GPR137B: variants seen among roughly 807,000 people sequenced by gnomAD.
GPR137B encodes the protein G protein-coupled receptor 137B.
In GPR137B, 42 loss-of-function variants were observed where a neutral mutation model predicts 42.5. The ratio of observed to expected loss-of-function variants is 0.99; its 90% CI spans 0.77 to 1.28. The LOEUF is 1.28. Among genes scored for constraint, GPR137B ranks in the 50% most tolerant of loss-of-function variants. The probability of loss-of-function intolerance (pLI) is 0.00; values close to 1 mark genes in which losing one functional copy is unlikely to be tolerated. For missense variants in GPR137B, 487 were observed against 493.9 expected (o/e 0.99, Z 0.13); for synonymous variants, 218 against 209.7 (o/e 1.04, Z -0.34).
At chr1:236,143,994 G>A (rs61833528) in intron 1 of GPR137B, among the ~76,000 whole-genome samples, 5,169 of 152,158 alleles carry the variant, frequency 0.034, 143 homozygotes, top group Non-Finnish European at 0.054. Flanking sequence ...CGAAGGGGAA[G>A]GCGTCAACGG....
At chr1:236,207,197 A>G in intron 6 of GPR137B, 1 of 985,252 alleles carries the variant, frequency 1.0e-6, no homozygotes, top group Non-Finnish European at 1.2e-6. Flanking sequence ...GAGCAGAGAA[A>G]TCCTGGTCAG....
chr1:236,142,980 T>G lies in GPR137B; in HGVS notation c.358T>G (p.Phe120Val). 1 of 1,614,002 alleles carries G rather than the reference T, an allele frequency of 6.2e-7. No individual in the cohort carries two copies. Among genetic ancestry groups the G allele is most frequent in the Non-Finnish European group, 8.5e-7 (1 of 1,179,916 alleles). ...SPFVFWLLYC[F>V]PVCLQFFTLT... The stretch of plus-strand genomic sequence containing the variant: ...CTTCGTCTTCTGGCTGCTCTACTGC[T>G]TCCCTGTGTGCCTGCAGTTTTTCAC... The change falls in exon 1 of 7, where the codon TTC becomes GTC. Residue 120 changes from phenylalanine to valine, a missense_variant. Transcript: ENST00000366592.
In GPR137B at chr1:236,152,249, C is replaced by T. The variant is rs566942337; in HGVS notation, c.414+9213C>T. ...GGACGAGGCAGGAGGTTCGCTTGAG[C>T]CCAGGAGTTCAAGACTATCCTGGGC... On this transcript the variant is annotated intron_variant, in intron 1 of 6. Coordinates refer to ENST00000366592, the MANE Select transcript of GPR137B (RefSeq NM_003272.4). 2.4e-4 allele frequency among the ~76,000 whole-genome samples: 37 copies of T among 151,408 alleles called. No homozygotes were observed. The South Asian group carries it at 7.5e-3, about 31-fold the overall frequency.
At chr1:236,149,293 C>T (rs570302828) in intron 1 of GPR137B, among the ~76,000 whole-genome samples, 1 of 152,276 alleles carries the variant, frequency 6.6e-6, no homozygotes, top group East Asian at 1.9e-4. Context: ...ACTGGGGGTC[C>T]AGCAGCCCAG....
chr1:236,181,499 A>G (rs958581703), intron 4 of GPR137B, among the ~76,000 whole-genome samples: 1 of 152,268 alleles, frequency 6.6e-6, no homozygotes, highest in African/African-American at 2.4e-5. Flanking sequence ...TTATACATTT[A>G]TTAGATTGAT....
At chr1:236,178,916 G>A (rs1037811478) in intron 3 of GPR137B, among the ~76,000 whole-genome samples, 8 of 146,778 alleles carry the variant, frequency 5.5e-5, no homozygotes, top group Non-Finnish European at 1.0e-4. Flanking sequence ...TCCTGCCTCA[G>A]CCTCCTGAGT....
rs956381911 is a variant in GPR137B at position 236,156,227 on chromosome 1, C to G, written c.415-12479C>G. Among the ~76,000 whole-genome samples the G allele has an allele frequency of 6.6e-6, 1 of 152,194 alleles. No homozygotes were observed. The highest frequency in any genetic ancestry group is 2.4e-5 in the African/African-American group (1 of 41,452). On this transcript the variant is annotated intron_variant, in intron 1 of 6. Coordinates refer to ENST00000366592, the MANE Select transcript of GPR137B (RefSeq NM_003272.4). The surrounding 1 kb of genome is among the most constrained non-coding windows in gnomAD (Gnocchi z 4.8). ...AGCACGAGGCCAGGAGCAGGCAGGA[C>G]CAGCTTCTTGGGCCACATGCTTGCC...
At chr1:236,161,490 C>T (rs1358554170) in intron 1 of GPR137B, among the ~76,000 whole-genome samples, 1 of 152,064 alleles carries the variant, frequency 6.6e-6, no homozygotes, top group South Asian at 2.1e-4. Context: ...ACACTTCACA[C>T]CTCCTCACGC....
intron 2 of GPR137B, among the ~76,000 whole-genome samples, chr1:236,172,127 C>A (rs1662554338): frequency 6.6e-6 from 1 of 151,710 alleles, no homozygotes; most frequent in Non-Finnish European, 1.5e-5. Flanking sequence ...ATGGGACATG[C>A]CTGTTAACCC....
Position 236,183,775 on chromosome 1 carries a change from C to T in GPR137B, c.838-3C>T. On this transcript the variant is annotated splice_region_variant and splice_polypyrimidine_tract_variant and intron_variant, in intron 4 of 6. Transcript: ENST00000366592. ...GATGACTCTCCCTGTCTGTTTCTAA[C>T]AGGCAGATTTGAAGAATCAGCTGGG... The T allele has an allele frequency of 4.4e-6, 7 of 1,604,310 alleles. No individual in the cohort carries two copies. Among genetic ancestry groups the T allele is most frequent in the Non-Finnish European group, 6.0e-6 (7 of 1,173,044 alleles).
Position 236,208,586 on chromosome 1 carries a change from A to G in GPR137B, c.*428A>G. On this transcript the variant is annotated 3_prime_UTR_variant, in exon 7 of 7. Transcript: ENST00000366592. Reference sequence around the variant, plus strand: ...AGCTTTTGGACTAAAGTATTCCACAAATCTTACCTCTTTAGGTCACTGATG... The same window carrying G: ...AGCTTTTGGACTAAAGTATTCCACAGATCTTACCTCTTTAGGTCACTGATG... The G allele has an allele frequency of 1.0e-6, 1 of 973,252 alleles. No individual in the cohort carries two copies. The highest frequency in any genetic ancestry group is 1.2e-6 in the Non-Finnish European group (1 of 817,792). The allele number at this position is 973,252 out of a possible 1,614,324, so 60.3% of individuals were successfully genotyped here.
At chr1:236,193,468 C>G (rs1013650513) in intron 5 of GPR137B, among the ~76,000 whole-genome samples, 4 of 152,156 alleles carry the variant, frequency 2.6e-5, no homozygotes, top group African/African-American at 9.7e-5. Flanking sequence ...TCCACAGAGA[C>G]AGCACCATTT....
At chr1:236,145,982 C>T (rs1208574897) in intron 1 of GPR137B, among the ~76,000 whole-genome samples, 1 of 152,082 alleles carries the variant, frequency 6.6e-6, no homozygotes, top group Non-Finnish European at 1.5e-5. Context: ...CTCAGCCTCC[C>T]GAGTATCTGG....
At chr1:236,159,837 GCAC>G (rs1662137547) in intron 1 of GPR137B, among the ~76,000 whole-genome samples, 1 of 152,228 alleles carries the variant, frequency 6.6e-6, no homozygotes, top group Admixed American at 6.5e-5. Flanking sequence ...TACCAAGGGG[GCAC>G]AAGTCGCCCA....
chr1:236,157,141 A>T (rs937012559), intron 1 of GPR137B, among the ~76,000 whole-genome samples: 30 of 152,006 alleles, frequency 2.0e-4, no homozygotes, highest in African/African-American at 7.3e-4. Context: ...GGCACAGAGC[A>T]GGCAGGTGAC....
intron 2 of GPR137B, among the ~76,000 whole-genome samples, chr1:236,174,213 T>G (rs913460314): frequency 1.3e-5 from 2 of 152,208 alleles, no homozygotes; most frequent in African/African-American, 4.8e-5. Flanking sequence ...CCTCCTTTCC[T>G]AAGATAATAA....
At chr1:236,189,659 G>C (rs759572292) in intron 5 of GPR137B, among the ~76,000 whole-genome samples, 3 of 152,180 alleles carry the variant, frequency 2.0e-5, no homozygotes, top group African/African-American at 4.8e-5. Flanking sequence ...GTTCTAATTT[G>C]ATTGCACTGT....
At chr1:236,157,242 T>G (rs1662057249) in intron 1 of GPR137B, among the ~76,000 whole-genome samples, 1 of 151,508 alleles carries the variant, frequency 6.6e-6, no homozygotes, top group African/African-American at 2.4e-5. Flanking sequence ...TTTTTTTTTT[T>G]GAGACGGAGT....
At chr1:236,201,628 A>G (rs75354678) in intron 5 of GPR137B, among the ~76,000 whole-genome samples, 3,031 of 152,026 alleles carry the variant, frequency 0.02, 150 homozygotes, top group African/African-American at 0.068. Context: ...GTTTTTTATT[A>G]TATCTGTTTC....
Sources: allele counts gnomAD v4.1 joint callset (sites outside exome capture counted in the v4.1 genomes callset), GRCh38; gene constraint gnomAD v4.1.1; non-coding constraint Gnocchi (gnomAD v3.1); transcripts MANE v1.5; gene names NCBI Gene and HGNC (gene_info 2026-07-23, HGNC 2026-07-21).